Variants in PDIA4 observed in about 807,000 individuals in gnomAD.
PDIA4 encodes protein disulfide isomerase family A member 4.
In PDIA4, 33 loss-of-function variants were observed where a neutral mutation model predicts 62.1. The ratio of observed to expected loss-of-function variants is 0.53; its 90% CI spans 0.40 to 0.71. PDIA4 has a LOEUF of 0.71. PDIA4 is among the 30% of genes least tolerant of loss of function. The probability of loss-of-function intolerance (pLI) is 0.00; values close to 1 mark genes in which losing one functional copy is unlikely to be tolerated. For missense variants in PDIA4, 804 were observed against 813.6 expected, an observed-to-expected ratio of 0.99 and a Z score of 0.14; for synonymous variants, 341 against 324.1, an observed-to-expected ratio of 1.05 and a Z score of -0.56.
At chr7:149,018,239 TA>T (rs1824213245) in intron 3 of PDIA4, among the ~76,000 whole-genome samples, 1 of 149,704 alleles carries the variant, frequency 6.7e-6, no homozygotes, top group Admixed American at 6.6e-5. Context: ...AAAAAAAAAA[TA>T]AAAAAGAAAT....
At chr7:149,025,180 G>A (rs1014726143) in intron 1 of PDIA4, among the ~76,000 whole-genome samples, 1 of 150,960 alleles carries the variant, frequency 6.6e-6, no homozygotes, top group African/African-American at 2.4e-5. Flanking sequence ...GAATTCCCAA[G>A]TTCATCTCCA....
chr7:149,023,313 G>T (rs906289233), intron 1 of PDIA4, among the ~76,000 whole-genome samples: 1 of 152,172 alleles, frequency 6.6e-6, no homozygotes, highest in Admixed American at 6.5e-5. Context: ...AAAAAGAAAA[G>T]ATCCTCTGCT....
intron 1 of PDIA4, among the ~76,000 whole-genome samples, chr7:149,026,692 G>A (rs530383062): frequency 2.0e-5 from 3 of 151,756 alleles, no homozygotes; most frequent in South Asian, 2.1e-4. Flanking sequence ...CCAGCTCCTC[G>A]GGAGGCTGAG....
intron 1 of PDIA4, among the ~76,000 whole-genome samples, chr7:149,022,124 C>G (rs760856271): frequency 1.3e-5 from 2 of 152,124 alleles, no homozygotes; most frequent in African/African-American, 4.8e-5. Flanking sequence ...ATACTAATTC[C>G]ATTTCTGAAA....
intron 1 of PDIA4, among the ~76,000 whole-genome samples, chr7:149,023,262 G>A (rs1260572436): frequency 6.6e-6 from 1 of 152,134 alleles, no homozygotes; most frequent in Non-Finnish European, 1.5e-5. Flanking sequence ...AAGGTTTTCT[G>A]GTCTCCCTTT....
intron 5 of PDIA4, 28 bp downstream of exon 5, chr7:149,012,127 G>A (rs779226690): frequency 6.2e-7 from 1 of 1,606,334 alleles, no homozygotes; most frequent in African/African-American, 1.3e-5. Context: ...CTTCCCCACT[G>A]TAGTGGGAGA....
intron 1 of PDIA4, among the ~76,000 whole-genome samples, chr7:149,025,500 T>C (rs1315765249): frequency 1.3e-5 from 2 of 152,226 alleles, no homozygotes; most frequent in African/African-American, 2.4e-5. Context: ...ATTTATTGTA[T>C]GTACCAGGCA....
intron 7 of PDIA4, among the ~76,000 whole-genome samples, chr7:149,007,884 G>C (rs957528491): frequency 6.6e-6 from 1 of 152,252 alleles, no homozygotes; most frequent in African/African-American, 2.4e-5. Context: ...AGGGACAAAG[G>C]GTGGCAGCAA....
intron 6 of PDIA4, among the ~76,000 whole-genome samples, chr7:149,009,581 G>A (rs1057458507): frequency 2.6e-5 from 4 of 152,150 alleles, no homozygotes; most frequent in Admixed American, 6.6e-5. Flanking sequence ...ACTTAAATCC[G>A]TGAAAATGCA....
intron 8 of PDIA4, 96 bp from the exon 9 acceptor site, chr7:149,005,470 T>C: frequency 1.3e-6 from 1 of 777,286 alleles, no homozygotes; most frequent in Non-Finnish European, 2.2e-6. Context: ...GCTAATATTC[T>C]GACAATGCTC....
chr7:149,003,848 G>A lies in PDIA4; in HGVS notation c.1884C>T (p.Ser628=). 6.2e-7 allele frequency: 1 copy of A among 1,602,704 alleles called. No individual in the cohort carries two copies. Among genetic ancestry groups the A allele is most frequent in the Non-Finnish European group, 8.5e-7 (1 of 1,174,860 alleles). Residue 628 remains serine, a synonymous_variant, in exon 10 of 10, where the codon AGC becomes AGT. Transcript: ENST00000652332. The part of the protein sequence containing the change: ...EGGDRDLEHL[S]KFIEEHATKL... ...TTGTGGCATGTTCTTCTATAAACTT[G>A]CTCAAATGCTCCAGATCTCTGTCTC...
intron 1 of PDIA4, among the ~76,000 whole-genome samples, chr7:149,022,728 G>C (rs748082227): frequency 2.0e-5 from 3 of 152,264 alleles, no homozygotes; most frequent in Non-Finnish European, 4.4e-5. Context: ...CCTAGCCACG[G>C]AGGCAGCCTG....
intron 3 of PDIA4, among the ~76,000 whole-genome samples, chr7:149,018,263 G>A (rs1023728554): frequency 3.3e-5 from 5 of 151,764 alleles, no homozygotes; most frequent in African/African-American, 1.2e-4. Context: ...AAATTATCTG[G>A]CCTGACTTGT....
At chr7:149,014,846 C>A in intron 4 of PDIA4, 58 bp downstream of exon 4, 3 of 1,568,810 alleles carry the variant, frequency 1.9e-6, no homozygotes, top group Non-Finnish European at 2.6e-6. Flanking sequence ...GGGCCTGCCA[C>A]CCCGCACCTA....
chr7:149,022,151 C>T (rs1321602531), intron 1 of PDIA4, among the ~76,000 whole-genome samples: 1 of 152,094 alleles, frequency 6.6e-6, no homozygotes, highest in African/African-American at 2.4e-5. Context: ...GGCATTTTAC[C>T]TCATACCCAT....
intron 6 of PDIA4, among the ~76,000 whole-genome samples, chr7:149,011,242 A>G (rs946303568): frequency 1.3e-5 from 2 of 152,186 alleles, no homozygotes; most frequent in Non-Finnish European, 2.9e-5. Context: ...GTCCCCAGGC[A>G]TCAGGAGCCA....
chr7:149,004,231 G>GA, intron 9 of PDIA4, 22 bp from the exon 10 acceptor site: 3 of 1,600,908 alleles, frequency 1.9e-6, no homozygotes, highest in Non-Finnish European at 2.6e-6. Context: ...AGCAAGGCGG[G>GA]AGGGGGCGTC....
At chr7:149,005,870 C>CAAGA (rs1823737316) in intron 8 of PDIA4, 27 bp downstream of exon 8, 7 of 1,474,340 alleles carry the variant, frequency 4.7e-6, no homozygotes, top group Non-Finnish European at 6.3e-6. Context: ...CCCCCCACCC[C>CAAGA]CGCAGGTCTT....
intron 1 of PDIA4, among the ~76,000 whole-genome samples, chr7:149,026,811 A>C (rs1395060825): frequency 1.2e-4 from 18 of 151,792 alleles, no homozygotes; most frequent in Non-Finnish European, 2.4e-4. Flanking sequence ...AAAAAAAAAA[A>C]AAAAAACGGA....
Sources: gnomAD v4.1 joint callset for allele counts (sites outside exome capture counted in the v4.1 genomes callset) on GRCh38, gnomAD v4.1.1 for gene constraint, MANE v1.5 for transcripts, NCBI Gene and HGNC (gene_info 2026-07-23, HGNC 2026-07-21) for gene names.